CCDC170: variants seen among roughly 807,000 people sequenced by gnomAD.
CCDC170 encodes the protein coiled-coil domain-containing protein 170.
In CCDC170, 69 loss-of-function variants were observed where a neutral mutation model predicts 72.6. That is an observed-to-expected ratio of 0.95 (90% CI 0.78 to 1.16). The LOEUF (loss-of-function observed/expected upper bound fraction) is 1.16. Ranked by LOEUF, CCDC170 falls within the 50% of genes most tolerant of loss-of-function variation. The pLI, the probability that CCDC170 is intolerant of heterozygous loss-of-function variation, is 0.00. For synonymous variants in CCDC170, 300 were observed against 303.9 expected, an observed-to-expected ratio of 0.99 and a Z score of 0.13; for missense variants, 852 against 832.5, an observed-to-expected ratio of 1.02 and a Z score of -0.29.
intron 1 of CCDC170, among the ~76,000 whole-genome samples, chr6:151,505,122 A>G (rs1376618145): frequency 6.6e-6 from 1 of 152,050 alleles, no homozygotes; most frequent in Non-Finnish European, 1.5e-5. Context: ...CCTCCTGGGC[A>G]CTTCTCTTAG....
At chr6:151,519,832 T>C (rs1782292608) in intron 1 of CCDC170, among the ~76,000 whole-genome samples, 1 of 152,210 alleles carries the variant, frequency 6.6e-6, no homozygotes, top group Admixed American at 6.5e-5. Flanking sequence ...ATGCTAGTGG[T>C]AGGAGTGTCT....
chr6:151,541,113 A>C (rs1215109155), intron 3 of CCDC170, among the ~76,000 whole-genome samples: 1 of 152,004 alleles, frequency 6.6e-6, no homozygotes, highest in Non-Finnish European at 1.5e-5. Context: ...GACCTTTGCA[A>C]TTGTTAATTT....
intron 7 of CCDC170, among the ~76,000 whole-genome samples, chr6:151,588,779 A>G (rs1776491482): frequency 6.6e-6 from 1 of 151,974 alleles, no homozygotes; most frequent in Non-Finnish European, 1.5e-5. Context: ...CATCTCTACA[A>G]AAAACACAAA....
At chr6:151,616,062 C>T (rs987347437) in intron 10 of CCDC170, among the ~76,000 whole-genome samples, 5 of 152,028 alleles carry the variant, frequency 3.3e-5, no homozygotes, top group Non-Finnish European at 5.9e-5. Flanking sequence ...ATTCAAGCAG[C>T]GGAAGGGTTT....
intron 1 of CCDC170, among the ~76,000 whole-genome samples, chr6:151,515,248 T>C (rs987503213): frequency 1.3e-5 from 2 of 152,220 alleles, no homozygotes; most frequent in Admixed American, 1.3e-4. Context: ...ATTAGATTTG[T>C]AAATCAAAAA....
At chr6:151,509,775 A>G (rs1219629088) in intron 1 of CCDC170, among the ~76,000 whole-genome samples, 3 of 152,214 alleles carry the variant, frequency 2.0e-5, no homozygotes, top group Non-Finnish European at 4.4e-5. Flanking sequence ...AAATCATTCA[A>G]TTTAGGGAAA....
At chr6:151,527,265 A>C (rs2115038299) in intron 1 of CCDC170, among the ~76,000 whole-genome samples, 1 of 152,138 alleles carries the variant, frequency 6.6e-6, no homozygotes, top group South Asian at 2.1e-4. Context: ...TAATGTAAAA[A>C]CAATATGATC....
chr6:151,555,849 T>C (rs916369615), intron 5 of CCDC170, among the ~76,000 whole-genome samples: 7 of 152,244 alleles, frequency 4.6e-5, no homozygotes, highest in Admixed American at 2.0e-4. Flanking sequence ...TTTTCTTACT[T>C]GAACCCTCCT....
At chr6:151,516,544 AG>A (rs1782238960) in intron 1 of CCDC170, among the ~76,000 whole-genome samples, 1 of 152,148 alleles carries the variant, frequency 6.6e-6, no homozygotes, top group African/African-American at 2.4e-5. Context: ...GTAAATACCC[AG>A]GGTTTGTCAT....
At chr6:151,595,760 A>C (rs925376576) in intron 8 of CCDC170, among the ~76,000 whole-genome samples, 1 of 152,152 alleles carries the variant, frequency 6.6e-6, no homozygotes, top group Non-Finnish European at 1.5e-5. Context: ...GAGAGGCTGC[A>C]GTGAGCTGTG....
intron 9 of CCDC170, among the ~76,000 whole-genome samples, chr6:151,610,430 ATTG>A (rs1169358565): frequency 6.6e-6 from 1 of 152,190 alleles, no homozygotes; most frequent in Non-Finnish European, 1.5e-5. Context: ...CTTCACACAG[ATTG>A]TTAATATTTT....
chr6:151,518,569 C>T (rs1782269438), intron 1 of CCDC170, among the ~76,000 whole-genome samples: 2 of 131,728 alleles, frequency 1.5e-5, no homozygotes. Context: ...ATAGGCAGAG[C>T]AGCCTCGAGG....
intron 9 of CCDC170, among the ~76,000 whole-genome samples, chr6:151,608,398 C>T (rs934100631): frequency 1.3e-5 from 2 of 152,180 alleles, no homozygotes; most frequent in African/African-American, 2.4e-5. Flanking sequence ...TGTGTCCCTA[C>T]ATTTGTATCT....
intron 7 of CCDC170, among the ~76,000 whole-genome samples, chr6:151,590,306 TGA>T (rs1300025773): frequency 1.3e-5 from 2 of 152,216 alleles, no homozygotes. Context: ...AAATATTATT[TGA>T]ATTATAGAAG....
intron 9 of CCDC170, among the ~76,000 whole-genome samples, chr6:151,605,930 C>T (rs1776776692): frequency 1.4e-5 from 2 of 141,798 alleles, no homozygotes; most frequent in Admixed American, 7.3e-5. Flanking sequence ...GAGACAGAGT[C>T]TTACTCTGTT....
At chr6:151,604,927 T>G (rs979895830) in intron 9 of CCDC170, among the ~76,000 whole-genome samples, 20 of 152,222 alleles carry the variant, frequency 1.3e-4, no homozygotes, top group Admixed American at 1.3e-3. Context: ...TCTAGCTATT[T>G]GAAAACGTAC....
Position 151,618,102 on chromosome 6 carries a change from T to A in CCDC170, c.2103T>A (p.Thr701=). The A allele has an allele frequency of 6.2e-7, 1 of 1,614,172 alleles. No homozygotes were observed. Among genetic ancestry groups the A allele is most frequent in the Non-Finnish European group, 8.5e-7 (1 of 1,180,038 alleles). ...GTGCCTGCCTCAAAGATGTGACTACTGGGCAAGAGAGGCACCCACAAGGCC... is the reference window on the plus strand; with the variant it reads ...GTGCCTGCCTCAAAGATGTGACTACAGGGCAAGAGAGGCACCCACAAGGCC... ...VTCACLKDVT[T]GQERHPQGHL... Residue 701 remains threonine, a synonymous_variant, in exon 11 of 11, where the codon ACT becomes ACA. Transcript: ENST00000239374.
At chr6:151,554,617 G>A (rs763780783) in intron 5 of CCDC170, among the ~76,000 whole-genome samples, 11 of 152,014 alleles carry the variant, frequency 7.2e-5, no homozygotes, top group East Asian at 1.9e-4. Context: ...CCAGCTACTC[G>A]GGAGGCTGAG....
chr6:151,509,222 GTATCTATCTATC>G (rs59062141), intron 1 of CCDC170, among the ~76,000 whole-genome samples: 80 of 127,344 alleles, frequency 6.3e-4, no homozygotes, highest in South Asian at 2.4e-3. Context: ...ATCTATCTAT[GTATCTATCTATC>G]TATCTATCTA....
Sources: allele counts gnomAD v4.1 joint callset (sites outside exome capture counted in the v4.1 genomes callset), GRCh38; gene constraint gnomAD v4.1.1; transcripts MANE v1.5; gene names NCBI Gene and HGNC (gene_info 2026-07-23, HGNC 2026-07-21).